The following TLL2 variants were observed in gnomAD, a reference collection of about 807,000 sequenced individuals.
TLL2 encodes the protein tolloid-like protein 2.
TLL2 carries 106 observed loss-of-function variants against 123.0 expected under a neutral mutation model. The ratio of observed to expected loss-of-function variants is 0.86; its 90% CI spans 0.74 to 1.01. TLL2 has a LOEUF of 1.01. Among genes scored for constraint, TLL2 ranks in the 50% least tolerant of loss-of-function variants. The pLI, the probability that TLL2 is intolerant of heterozygous loss-of-function variation, is 0.00. For missense variants in TLL2, 1,332 were observed against 1,336.7 expected (o/e 1.00, Z 0.06); for synonymous variants, 494 against 516.8 (o/e 0.96, Z 0.60).
chr10:96,425,757 G>C (rs761243382), intron 5 of TLL2, among the ~76,000 whole-genome samples: 1 of 151,910 alleles, frequency 6.6e-6, no homozygotes, highest in Non-Finnish European at 1.5e-5. Flanking sequence ...ATATTCTGGG[G>C]TTTCTAGGCA....
rs1374907827 is a variant in TLL2 at position 96,368,185 on chromosome 10, A to G, written c.2951T>C (p.Met984Thr). The change falls in exon 21 of 21, where the codon ATG becomes ACG. Residue 984 changes from methionine to threonine, a missense_variant. Physicochemically the swap from Met to Thr is moderately conservative, Grantham distance 81. Coordinates refer to ENST00000357947, the MANE Select transcript of TLL2 (RefSeq NM_012465.4). Reference sequence around the variant, plus strand: ...GGTGTCATCTGTGCGGAATCGAATCATCAGGGAATCACCTGCAGAGTAGAT... The same window carrying G: ...GGTGTCATCTGTGCGGAATCGAATCGTCAGGGAATCACCTGCAGAGTAGAT... ...EEIYSAGDSL[M>T]IRFRTDDTIN... is the part of the protein sequence containing the mutation. The G allele has an allele frequency of 3.1e-6, 5 of 1,614,242 alleles. No individual in the cohort carries two copies. The highest frequency in any genetic ancestry group is 4.2e-6 in the Non-Finnish European group (5 of 1,180,050).
chr10:96,448,003 G>C (rs1037506083), intron 2 of TLL2, among the ~76,000 whole-genome samples: 1 of 152,144 alleles, frequency 6.6e-6, no homozygotes, highest in Non-Finnish European at 1.5e-5. Flanking sequence ...CCCTAGGCCT[G>C]TATGACCCTG....
At chr10:96,482,978 T>C (rs925259577) in intron 1 of TLL2, among the ~76,000 whole-genome samples, 4 of 152,124 alleles carry the variant, frequency 2.6e-5, no homozygotes, top group Non-Finnish European at 5.9e-5. Context: ...AAGGTAGCAA[T>C]AATTAAGTCT....
At chr10:96,429,877 TA>T (rs1388787266) in intron 4 of TLL2, among the ~76,000 whole-genome samples, 1 of 152,200 alleles carries the variant, frequency 6.6e-6, no homozygotes, top group Non-Finnish European at 1.5e-5. Context: ...TGCTGAATAA[TA>T]AAACTCCAGG....
At chr10:96,406,746 A>C (rs1466540423) in intron 9 of TLL2, among the ~76,000 whole-genome samples, 3 of 151,790 alleles carry the variant, frequency 2.0e-5, no homozygotes, top group Non-Finnish European at 4.4e-5. Context: ...CCCGCTCCCT[A>C]CTAGGTGAGA....
chr10:96,370,146 G>T lies in TLL2; in HGVS notation c.2832C>A (p.Ala944=). 6.2e-7 allele frequency: 1 copy of T among 1,614,010 alleles called. No individual in the cohort carries two copies. Among genetic ancestry groups the T allele is most frequent in the South Asian group, 1.1e-5 (1 of 91,048 alleles). ...CTTCCATGTAGTCGTAGCCGCAGTC[G>T]GCCTCCTCCTCAACCTCAAAGGTCC... ...TFRTFEVEEE[A]DCGYDYMEAY... is the part of the protein sequence containing the mutation. Residue 944 remains alanine, a synonymous_variant, in exon 20 of 21, where the codon GCC becomes GCA. Transcript: ENST00000357947.
In TLL2 at chr10:96,396,006, C is replaced by A. The variant is rs1221760958; in HGVS notation, c.1399G>T (p.Asp467Tyr). 6.2e-7 allele frequency: 1 copy of A among 1,614,136 alleles called. No individual in the cohort carries two copies. The highest frequency in any genetic ancestry group is 8.5e-7 in the Non-Finnish European group (1 of 1,180,002). ...ATCTGACCGGCATCTTTGTTCATGTCTCCCCCGCAGGTAGCTTTAGAAAGA... is the reference window on the plus strand; with the variant it reads ...ATCTGACCGGCATCTTTGTTCATGTATCCCCCGCAGGTAGCTTTAGAAAGA... ...FAAYEATCGGDMNKDAGQIQS... is the reference protein window; with the variant it reads ...FAAYEATCGGYMNKDAGQIQS... Residue 467 changes from aspartate to tyrosine, a missense_variant, in exon 12 of 21, where the codon GAC (aspartate) becomes TAC (tyrosine). Physicochemically the swap from Asp to Tyr is radical, Grantham distance 160. Transcript: ENST00000357947.
rs750127686 is a variant in TLL2 at position 96,386,053 on chromosome 10, AC to A, written c.2013+1del. ...CCAATCAATTAGAGCATGGAGACAT[AC>A]GTCATTGCCTTCCAGTTCAAACACT... On this transcript the variant is annotated splice_donor_variant, in intron 15 of 20. Coordinates refer to ENST00000357947, the MANE Select transcript of TLL2 (RefSeq NM_012465.4). LOFTEE classifies it high-confidence loss of function. The A allele has an allele frequency of 6.3e-7, 1 of 1,590,420 alleles. No individual in the cohort carries two copies. The highest frequency in any genetic ancestry group is 1.3e-5 in the African/African-American group (1 of 74,288).
At chr10:96,492,120 G>A (rs1368151272) in intron 1 of TLL2, among the ~76,000 whole-genome samples, 1 of 151,874 alleles carries the variant, frequency 6.6e-6, no homozygotes, top group Non-Finnish European at 1.5e-5. Context: ...AGCACTCACT[G>A]TGTCCCTGGG....
At position 96,379,016 on chromosome 10, in the gene TLL2, C is replaced by T. The variant is rs751468416; in HGVS notation, c.2271G>A (p.Arg757=). The T allele has an allele frequency of 1.2e-6, 2 of 1,614,134 alleles. No homozygotes were observed. The highest frequency in any genetic ancestry group is 1.7e-6 in the Non-Finnish European group (2 of 1,180,050). ...CGTGGAGCCAGTAGCCGTTTCTGCA[C>T]CTGCACAGGTAGCTCCCGAAGGTGT... ...CVNTFGSYLC[R]CRNGYWLHEN... The change falls in exon 17 of 21, where the codon AGG becomes AGA. Residue 757 remains arginine (R), a synonymous_variant. Transcript: ENST00000357947.
At chr10:96,378,475 G>A (rs1379524183) in intron 17 of TLL2, among the ~76,000 whole-genome samples, 1 of 152,202 alleles carries the variant, frequency 6.6e-6, no homozygotes, top group Non-Finnish European at 1.5e-5. Context: ...ACCTGCATAT[G>A]GTAATTAATA....
chr10:96,493,594 G>A (rs1847438744), intron 1 of TLL2, among the ~76,000 whole-genome samples: 1 of 152,050 alleles, frequency 6.6e-6, no homozygotes, highest in Non-Finnish European at 1.5e-5. Context: ...GGCTCAGCAT[G>A]GGCAAAAAGG....
chr10:96,409,114 G>C (rs555932945), intron 9 of TLL2, among the ~76,000 whole-genome samples: 1 of 152,186 alleles, frequency 6.6e-6, no homozygotes, highest in Non-Finnish European at 1.5e-5. Flanking sequence ...TTGGCTACAG[G>C]TGCCTGAAAA....
At chr10:96,453,197 T>C (rs754215855) in intron 2 of TLL2, among the ~76,000 whole-genome samples, 27 of 152,220 alleles carry the variant, frequency 1.8e-4, no homozygotes, top group Non-Finnish European at 3.4e-4. Context: ...GGCCCACACC[T>C]GTAATCCCAG....
chr10:96,508,938 G>A (rs186147149), intron 1 of TLL2, among the ~76,000 whole-genome samples: 265 of 152,152 alleles, frequency 1.7e-3, no homozygotes, highest in Middle Eastern at 0.014. Flanking sequence ...GAGGGCTTGT[G>A]GCCGTGATGG....
intron 1 of TLL2, among the ~76,000 whole-genome samples, chr10:96,503,699 C>G (rs538704369): frequency 1.3e-5 from 2 of 152,140 alleles, no homozygotes; most frequent in African/African-American, 4.8e-5. Context: ...GGAACAGAGA[C>G]GGGGACAGGT....
At chr10:96,502,404 G>C (rs1847543576) in intron 1 of TLL2, among the ~76,000 whole-genome samples, 1 of 152,222 alleles carries the variant, frequency 6.6e-6, no homozygotes, top group South Asian at 2.1e-4. Flanking sequence ...GCGTCAAGGA[G>C]GCCAGTTCAG....
At position 96,432,965 on chromosome 10, in the gene TLL2, G is replaced by A. The variant is rs771952219; in HGVS notation, c.365-3C>T. On this transcript the variant is annotated splice_polypyrimidine_tract_variant and splice_region_variant and intron_variant, in intron 3 of 20. Coordinates refer to ENST00000357947, the MANE Select transcript of TLL2 (RefSeq NM_012465.4). ...GAGTGTGGTATTCTCCCGGCCATCT[G>A]CAACACAGTCAGGTTAATATTGATT... 4 of 1,612,390 alleles carry A rather than the reference G, an allele frequency of 2.5e-6. No individual in the cohort carries two copies. The African/African-American group carries it at 4.0e-5, about 16-fold the overall frequency.
intron 2 of TLL2, among the ~76,000 whole-genome samples, chr10:96,476,240 A>ATATATATATATATATATTCTTTTTTTT: frequency 4.9e-5 from 1 of 20,502 alleles, no homozygotes; most frequent in African/African-American, 1.7e-4. Context: ...ATATATATAT[A>ATATATATATATATATATTCTTTTTTTT]TTTTATTTTT....
Sources: gnomAD v4.1 joint callset for allele counts (sites outside exome capture counted in the v4.1 genomes callset) on GRCh38, gnomAD v4.1.1 for gene constraint, MANE v1.5 for transcripts, NCBI Gene and HGNC (gene_info 2026-07-23, HGNC 2026-07-21) for gene names.